The following PPP1R9B variants were observed in gnomAD, a reference collection of about 807,000 sequenced individuals.
PPP1R9B encodes the protein neurabin-2.
In PPP1R9B, 17 loss-of-function variants were observed where a neutral mutation model predicts 75.8. The ratio of observed to expected loss-of-function variants is 0.22; its 90% confidence interval spans 0.15 to 0.34. PPP1R9B has a LOEUF of 0.34. PPP1R9B is among the 10% of genes least tolerant of loss of function. The probability of loss-of-function intolerance (pLI) is 1.00; values close to 1 mark genes in which losing one functional copy is unlikely to be tolerated. For synonymous variants in PPP1R9B, 509 were observed against 535.4 expected, an observed-to-expected ratio of 0.95 and a Z score of 0.68; for missense variants, 875 against 1,196.0, an observed-to-expected ratio of 0.73 and a Z score of 3.96.
rs2144435974 is a variant in PPP1R9B at position 50,134,276 on chromosome 17, A to C, written c.*1055T>G. ...CAGCAGGGCAGCCCTGGTCTCCAAA[A>C]AGATGAGTAGTAGTAAAATTTTGCC... On this transcript the variant is annotated 3_prime_UTR_variant, in exon 10 of 10. Transcript: ENST00000612501. 6.5e-6 allele frequency: 1 copy of C among 152,786 alleles called. No individual in the cohort carries two copies. The highest frequency in any genetic ancestry group is 3.4e-3 in the Middle Eastern group (1 of 294). 9.5% of individuals were successfully genotyped at this position (152,786 alleles called of 1,614,324 possible).
Position 50,150,299 on chromosome 17 carries a change from C to A in PPP1R9B, c.215G>T (p.Gly72Val). The A allele has an allele frequency of 7.0e-7, 1 of 1,431,708 alleles. No individual in the cohort carries two copies. Among genetic ancestry groups the A allele is most frequent in the East Asian group, 3.1e-5 (1 of 32,632 alleles). The allele number at this position is 1,431,708 out of a possible 1,614,324, so 88.7% of individuals were successfully genotyped here. The stretch of plus-strand genomic sequence containing the variant: ...CAGGCCCGCGCCGCCGCCCGCCTCG[C>A]CCGAGGGCCCCGCCGTCGTGCCCAT... ...LQMGTTAGPS[G>V]EAGGGAGLAE... is the part of the protein sequence containing the mutation. Residue 72 changes from glycine to valine, a missense_variant, in exon 1 of 10, where the codon GGC (glycine) becomes GTC (valine). Coordinates refer to ENST00000612501, the MANE Select transcript of PPP1R9B (RefSeq NM_032595.5). The surrounding 1 kb of genome is among the most constrained non-coding windows in gnomAD (Gnocchi z 8.7).
chr17:50,149,149 G>A lies in PPP1R9B; in HGVS notation c.1365C>T (p.Pro455=). 1 of 1,481,684 alleles carries A rather than the reference G, an allele frequency of 6.7e-7. No homozygotes were observed. Among genetic ancestry groups the A allele is most frequent in the Non-Finnish European group, 9.0e-7 (1 of 1,112,416 alleles). 91.8% of individuals were successfully genotyped at this position (1,481,684 alleles called of 1,614,324 possible). Residue 455 remains proline (P), a synonymous_variant, in exon 1 of 10, where the codon CCC becomes CCT. Transcript: ENST00000612501. The surrounding 1 kb of genome is among the most constrained non-coding windows in gnomAD (Gnocchi z 7.2). The part of the protein sequence containing the change: ...PSRKIHFSTA[P]IQVFSTYSNE... ...GGCGGGGGGGCTCACTTACTTGGAT[G>A]GGCGCCGTGCTGAAATGGATCTTCC...
chr17:50,140,273 GT>G, intron 4 of PPP1R9B, 45 bp from the exon 5 acceptor site: 5 of 1,557,654 alleles, frequency 3.2e-6, no homozygotes, highest in Non-Finnish European at 4.3e-6. Context: ...CCTCAGCCAG[GT>G]AATGCATCAT....
At chr17:50,140,346 G>T in intron 4 of PPP1R9B, 118 bp from the exon 5 acceptor site, 1 of 1,304,004 alleles carries the variant, frequency 7.7e-7, no homozygotes, top group Non-Finnish European at 1.0e-6. Flanking sequence ...AGATGAGAGG[G>T]CTGAGTCCGA....
At position 50,149,390 on chromosome 17, in the gene PPP1R9B, G is replaced by A. The variant is rs777043911; in HGVS notation, c.1124C>T (p.Ala375Val). The change falls in exon 1 of 10, where the codon GCC becomes GTC. Residue 375 changes from alanine to valine, a missense_variant. Around this residue, in one of 4 missense-constraint regions of PPP1R9B, gnomAD observed 449 missense variants for 475.0 expected, o/e 0.95. Transcript: ENST00000612501. The surrounding 1 kb of genome is among the most constrained non-coding windows in gnomAD (Gnocchi z 7.2). ...GVGNGRAPDV[A>V]PEEVDESKKE... is the part of the protein sequence containing the mutation. ...CTTGGATTCATCTACCTCCTCAGGGGCCACGTCCGGGGCCCGGCCATTGCC... is the reference window on the plus strand; with the variant it reads ...CTTGGATTCATCTACCTCCTCAGGGACCACGTCCGGGGCCCGGCCATTGCC... 2.4e-5 allele frequency: 39 copies of A among 1,612,658 alleles called. No individual in the cohort carries two copies. The highest frequency in any genetic ancestry group is 3.2e-5 in the Non-Finnish European group (38 of 1,179,688).
Position 50,139,386 on chromosome 17 carries a change from G to A in PPP1R9B, c.2019+43C>T, listed in dbSNP as rs763213862. 5 of 1,613,094 alleles carry A rather than the reference G, an allele frequency of 3.1e-6. No individual in the cohort carries two copies. The Admixed American group carries it at 6.7e-5, about 22-fold the overall frequency. On this transcript the variant is annotated intron_variant, in intron 6 of 9. Coordinates refer to ENST00000612501, the MANE Select transcript of PPP1R9B (RefSeq NM_032595.5). This position sits in a 1 kb window ranked among gnomAD's most constrained non-coding sequence, Gnocchi z 5.0. ...AGGCAGTGCCAAGGGCAGGAGACCT[G>A]CCTGCCTTTCCCTCCACCACTCCAG... is the stretch of plus-strand genomic sequence containing the variant.
In PPP1R9B at chr17:50,149,072, G is replaced by A. The variant is rs1324690514; in HGVS notation, c.1371+71C>T. The A allele has an allele frequency of 3.6e-5, 39 of 1,082,188 alleles. No homozygotes were observed. Among genetic ancestry groups the A allele is most frequent in the Non-Finnish European group, 4.3e-5 (37 of 855,950 alleles). 67.0% of individuals were successfully genotyped at this position (1,082,188 alleles called of 1,614,324 possible). A position where few individuals can be genotyped will look rare whatever the true frequency, so the allele number is the denominator to read the frequency against. On this transcript the variant is annotated intron_variant, in intron 1 of 9. Transcript: ENST00000612501. The surrounding 1 kb of genome is among the most constrained non-coding windows in gnomAD (Gnocchi z 7.2). ...TCAGCCTGCCAAACCCGGCTGGCTGGCTGGCGAGCGGGGGCGGCCGCGTGC... is the reference window on the plus strand; with the variant it reads ...TCAGCCTGCCAAACCCGGCTGGCTGACTGGCGAGCGGGGGCGGCCGCGTGC...
At chr17:50,145,645 A>C (rs572135306) in intron 1 of PPP1R9B, among the ~76,000 whole-genome samples, 52 of 152,128 alleles carry the variant, frequency 3.4e-4, no homozygotes, top group African/African-American at 1.2e-3. Context: ...AGACAGACAC[A>C]GAGAGGAAGG....
intron 1 of PPP1R9B, among the ~76,000 whole-genome samples, chr17:50,145,867 C>T (rs893916950): frequency 3.3e-5 from 5 of 152,148 alleles, no homozygotes; most frequent in African/African-American, 1.2e-4. Flanking sequence ...GAAAGACCAT[C>T]TCTATCCCCG....
chr17:50,150,117 G>T lies in PPP1R9B; in HGVS notation c.397C>A (p.Gln133Lys). 1 of 1,404,796 alleles carries T rather than the reference G, an allele frequency of 7.1e-7. No homozygotes were observed. Among genetic ancestry groups the T allele is most frequent in the Non-Finnish European group, 9.2e-7 (1 of 1,085,250 alleles). 87.0% of individuals were successfully genotyped at this position (1,404,796 alleles called of 1,614,324 possible). A position where few individuals can be genotyped will look rare whatever the true frequency, so the allele number is the denominator to read the frequency against. ...GGCGGGTGCGGCGGCGGCGCAGGCT[G>T]CGCGGAGGGCGCGGGCTTGGAGTCG... ...RFDSKPAPSA[Q>K]PAPPPHPPSR... Residue 133 changes from glutamine (Q) to lysine (K), a missense_variant, in exon 1 of 10, where the codon CAG becomes AAG. Gln to Lys is a moderately conservative substitution (Grantham distance 53). Around this residue, in one of 4 missense-constraint regions of PPP1R9B, gnomAD observed 449 missense variants for 475.0 expected, o/e 0.95. Transcript: ENST00000612501. The surrounding 1 kb of genome is among the most constrained non-coding windows in gnomAD (Gnocchi z 8.7).
chr17:50,143,517 C>T (rs1376758874), intron 3 of PPP1R9B, 81 bp downstream of exon 3: 2 of 1,550,444 alleles, frequency 1.3e-6, no homozygotes, highest in South Asian at 1.2e-5. Context: ...CCGCCCCACC[C>T]CCTGCTCAGT....
rs1912369546 is a variant in PPP1R9B at position 50,141,287 on chromosome 17, T to C, written c.1712A>G (p.Asn571Ser). 1.3e-6 allele frequency: 2 copies of C among 1,585,252 alleles called. No homozygotes were observed. The highest frequency in any genetic ancestry group is 8.6e-7 in the Non-Finnish European group (1 of 1,166,854). ...TQSFAASVLR[N>S]TKGRVRFMIG... Reference sequence around the variant, plus strand: ...CTCTCACCGCACTCGGCCCTTGGTGTTCCGGAGCACAGACGCCGCGAAGCT... The same window carrying C: ...CTCTCACCGCACTCGGCCCTTGGTGCTCCGGAGCACAGACGCCGCGAAGCT... Residue 571 changes from asparagine to serine, a missense_variant, in exon 4 of 10, where the codon AAC becomes AGC. This residue lies in a region of PPP1R9B where 218 missense variants were observed against 334.6 expected (regional missense o/e 0.65). Transcript: ENST00000612501.
rs768477687 is a variant in PPP1R9B, at chr17:50,142,668, C to T, written c.1625+930G>A. The stretch of plus-strand genomic sequence containing the variant: ...CAATGTCACCTCTAACTTACAGCCA[C>T]CCTGGGGGATGCCCTACAGCCCTTC... On this transcript the variant is annotated intron_variant, in intron 3 of 9. Transcript: ENST00000612501. This position sits in a 1 kb window ranked among gnomAD's most constrained non-coding sequence, Gnocchi z 4.1. Among the ~76,000 whole-genome samples, 2 of 152,118 alleles carry T rather than the reference C, an allele frequency of 1.3e-5. No individual in the cohort carries two copies. The highest frequency in any genetic ancestry group is 1.5e-5 in the Non-Finnish European group (1 of 68,018).
intron 5 of PPP1R9B, 66 bp downstream of exon 5, chr17:50,140,027 T>C: frequency 6.4e-7 from 1 of 1,559,870 alleles, no homozygotes; most frequent in Non-Finnish European, 8.7e-7. Flanking sequence ...TAGAGGCAGA[T>C]GACTGTAATG....
At position 50,150,052 on chromosome 17, in the gene PPP1R9B, G is replaced by A. The variant is rs367543202; in HGVS notation, c.462C>T (p.Ser154=). ...LQETRKLFER[S]APAAAGGDKE... is the part of the protein sequence containing the mutation. ...TGTCGCCGCCTGCGGCCGCTGGGGC[G>A]CTCCGTTCGAACAGCTTCCGCGTCT... The change falls in exon 1 of 10, where the codon AGC becomes AGT. Residue 154 remains serine (S), a synonymous_variant. Coordinates refer to ENST00000612501, the MANE Select transcript of PPP1R9B (RefSeq NM_032595.5). This position sits in a 1 kb window ranked among gnomAD's most constrained non-coding sequence, Gnocchi z 8.7. The A allele has an allele frequency of 2.3e-4, 339 of 1,464,228 alleles. 1 individual carries two copies. The African/African-American group carries it at 4.4e-3, about 19-fold the overall frequency. The allele number at this position is 1,464,228 out of a possible 1,614,324, so 90.7% of individuals were successfully genotyped here.
rs147866161 is a variant in PPP1R9B at position 50,140,810 on chromosome 17, G to T, written c.1730+459C>A. ...ATCCCTGAATGTTAAGCCAAAGGTA[G>T]AGTGGACACAGGGAGCTTCTGATCC... is the stretch of plus-strand genomic sequence containing the variant. On this transcript the variant is annotated intron_variant, in intron 4 of 9. Transcript: ENST00000612501. 2.4e-4 allele frequency among the ~76,000 whole-genome samples: 37 copies of T among 152,296 alleles called. No homozygotes were observed. The East Asian group carries it at 6.9e-3, about 29-fold the overall frequency.
In PPP1R9B at chr17:50,149,672, TGCTGCGGGG is replaced by T. The variant is rs1325357876; in HGVS notation, c.833_841del (p.Pro278_Gln280del). The T allele has an allele frequency of 8.1e-6, 12 of 1,483,586 alleles. No homozygotes were observed. Among genetic ancestry groups the T allele is most frequent in the Middle Eastern group, 1.7e-4 (1 of 5,734 alleles). 91.9% of individuals were successfully genotyped at this position (1,483,586 alleles called of 1,614,324 possible). On this transcript the variant is annotated inframe_deletion, in exon 1 of 10. Coordinates refer to ENST00000612501, the MANE Select transcript of PPP1R9B (RefSeq NM_032595.5). The surrounding 1 kb of genome is among the most constrained non-coding windows in gnomAD (Gnocchi z 7.2). ...GGGCGGCCGGGCAGGGGCCACTCGG[TGCTGCGGGG>T]GCTGCTGCCCTGCGGGGCATCGCTC...
At chr17:50,145,003 C>T (rs1912478714) in intron 2 of PPP1R9B, 110 bp downstream of exon 2, 1 of 1,360,310 alleles carries the variant, frequency 7.4e-7, no homozygotes, top group African/African-American at 1.5e-5. Context: ...AGGGAGAGGC[C>T]CAGCAAGTCT....
At position 50,134,030 on chromosome 17, in the gene PPP1R9B, T is replaced by C. The variant is rs1598242685; in HGVS notation, c.*1301A>G. On this transcript the variant is annotated 3_prime_UTR_variant, in exon 10 of 10. Transcript: ENST00000612501. Reference sequence around the variant, plus strand: ...CAAGAAATACTGATCGAAGTCATGGTCTATTTACAGGGGACAAGAAGCCAA... The same window carrying C: ...CAAGAAATACTGATCGAAGTCATGGCCTATTTACAGGGGACAAGAAGCCAA... The C allele has an allele frequency of 6.6e-6, 1 of 152,558 alleles. No individual in the cohort carries two copies. The highest frequency in any genetic ancestry group is 1.9e-4 in the East Asian group (1 of 5,182). 9.5% of individuals were successfully genotyped at this position (152,558 alleles called of 1,614,324 possible).
Sources: allele counts gnomAD v4.1 joint callset (sites outside exome capture counted in the v4.1 genomes callset), GRCh38; gene constraint gnomAD v4.1.1; regional missense constraint gnomAD v4.1.1; non-coding constraint Gnocchi (gnomAD v3.1); transcripts MANE v1.5; gene names NCBI Gene and HGNC (gene_info 2026-07-23, HGNC 2026-07-21).